The following TMCC1 variants were observed in gnomAD, a reference collection of about 807,000 sequenced individuals.
The protein encoded by TMCC1 is transmembrane and coiled-coil domains protein 1.
A neutral mutation model predicts 52.4 loss-of-function variants in TMCC1; 15 were observed. The observed-to-expected ratio is 0.29, with a 90% CI of 0.19 to 0.44. TMCC1 has a LOEUF of 0.44. Among genes scored for constraint, TMCC1 ranks in the 20% least tolerant of loss-of-function variants. The probability of loss-of-function intolerance (pLI) is 1.00; values close to 1 mark genes in which losing one functional copy is unlikely to be tolerated. For synonymous variants in TMCC1, 279 were observed against 301.9 expected, an observed-to-expected ratio of 0.92 and a Z score of 0.79; for missense variants, 503 against 806.0, an observed-to-expected ratio of 0.62 and a Z score of 4.55.
In TMCC1 at chr3:129,801,281, T is replaced by C. The variant is rs557148283; in HGVS notation, c.576+26522A>G. Reference sequence around the variant, plus strand: ...CATACTACCCATATTATCTATGACCTCCTTTTTTTTTTAAATTCAACAATT... The same window carrying C: ...CATACTACCCATATTATCTATGACCCCCTTTTTTTTTTAAATTCAACAATT... On this transcript the variant is annotated intron_variant, in intron 4 of 6. Coordinates refer to ENST00000393238, the MANE Select transcript of TMCC1 (RefSeq NM_001017395.5). Among the ~76,000 whole-genome samples, 4 of 151,808 alleles carry C rather than the reference T, an allele frequency of 2.6e-5. No individual in the cohort carries two copies. The South Asian group carries it at 8.3e-4, about 32-fold the overall frequency.
At chr3:129,887,344 C>T (rs371615407) in intron 1 of TMCC1, among the ~76,000 whole-genome samples, 1 of 151,898 alleles carries the variant, frequency 6.6e-6, no homozygotes, top group Non-Finnish European at 1.5e-5. Flanking sequence ...GAGATCGAGA[C>T]CACCCTGGCC....
Position 129,828,081 on chromosome 3 carries a change from T to C in TMCC1, c.298A>G (p.Thr100Ala). Reference protein sequence around the residue: ...AEIDGVPTHPTALNRVLQQIR... With the variant: ...AEIDGVPTHPAALNRVLQQIR... ...TGCTGCAGGACACGATTCAGAGCTG[T>C]GGGGTGGGTGGGGACACCATCAATC... is the stretch of plus-strand genomic sequence containing the variant. The change falls in exon 4 of 7, where the codon ACA (threonine) becomes GCA (alanine). Residue 100 changes from threonine to alanine, a missense_variant. Physicochemically the swap from Thr to Ala is moderately conservative, Grantham distance 58. Transcript: ENST00000393238. The surrounding 1 kb of genome is among the most constrained non-coding windows in gnomAD (Gnocchi z 4.1). 1.2e-6 allele frequency: 2 copies of C among 1,614,054 alleles called. No homozygotes were observed. Among genetic ancestry groups the C allele is most frequent in the Non-Finnish European group, 1.7e-6 (2 of 1,179,988 alleles).
chr3:129,837,783 T>A (rs902427845), intron 2 of TMCC1, among the ~76,000 whole-genome samples: 2 of 151,734 alleles, frequency 1.3e-5, no homozygotes, highest in East Asian at 1.9e-4. Flanking sequence ...AGACAACATA[T>A]GAGATCAGAC....
chr3:129,820,434 G>A (rs1201695389), intron 4 of TMCC1, among the ~76,000 whole-genome samples: 3 of 151,950 alleles, frequency 2.0e-5, no homozygotes, highest in Admixed American at 6.6e-5. Context: ...TATTCAGGAA[G>A]AGACACAATG....
chr3:129,840,688 G>T (rs1170968249), intron 2 of TMCC1, among the ~76,000 whole-genome samples: 1 of 152,130 alleles, frequency 6.6e-6, no homozygotes, highest in Non-Finnish European at 1.5e-5. Flanking sequence ...TTGTTTAAAA[G>T]TATGTGACAG....
chr3:129,726,868 C>CATAAAAAAAAAAAAAAA (rs2050134810), intron 4 of TMCC1, among the ~76,000 whole-genome samples: 1 of 12,814 alleles, frequency 7.8e-5, no homozygotes, highest in African/African-American at 2.2e-4. Context: ...GACTCTGTCT[C>CATAAAAAAAAAAAAAAA]AAAAAAAAAA....
intron 1 of TMCC1, among the ~76,000 whole-genome samples, chr3:129,883,688 T>C (rs2061566534): frequency 6.6e-6 from 1 of 152,118 alleles, no homozygotes; most frequent in Non-Finnish European, 1.5e-5. Flanking sequence ...AAAAAAAATA[T>C]ATTTTTTGGG....
chr3:129,817,038 A>G (rs552211753), intron 4 of TMCC1, among the ~76,000 whole-genome samples: 1 of 152,112 alleles, frequency 6.6e-6, no homozygotes, highest in South Asian at 2.1e-4. Context: ...AAAAGAAAAA[A>G]GAAAAAGACA....
chr3:129,719,411 G>C (rs2049382687), intron 4 of TMCC1, among the ~76,000 whole-genome samples: 2 of 152,202 alleles, frequency 1.3e-5, no homozygotes, highest in South Asian at 4.1e-4. Flanking sequence ...CAGTATACAC[G>C]TTTTCTTGAA....
chr3:129,838,369 A>C (rs1159838439), intron 2 of TMCC1, among the ~76,000 whole-genome samples: 1 of 152,104 alleles, frequency 6.6e-6, no homozygotes, highest in African/African-American at 2.4e-5. Flanking sequence ...TGAGCGTCCC[A>C]CTGCATTCCA....
At chr3:129,667,272 A>T (rs1283686041) in intron 5 of TMCC1, among the ~76,000 whole-genome samples, 1 of 150,384 alleles carries the variant, frequency 6.6e-6, no homozygotes, top group Non-Finnish European at 1.5e-5. Flanking sequence ...AATTTTATTT[A>T]TGTGAAAGCA....
intron 4 of TMCC1, among the ~76,000 whole-genome samples, chr3:129,751,060 A>T (rs1323206644): frequency 6.6e-6 from 1 of 151,844 alleles, no homozygotes; most frequent in Non-Finnish European, 1.5e-5. Flanking sequence ...AATTAGCCAG[A>T]TGTGGTGGCA....
chr3:129,665,272 T>C (rs952849599), intron 5 of TMCC1, among the ~76,000 whole-genome samples: 3 of 152,212 alleles, frequency 2.0e-5, no homozygotes, highest in East Asian at 1.9e-4. Context: ...GGTACAATTA[T>C]GTGGGTGAAG....
intron 4 of TMCC1, among the ~76,000 whole-genome samples, chr3:129,780,210 A>G (rs968057723): frequency 2.6e-5 from 4 of 152,132 alleles, no homozygotes; most frequent in Admixed American, 2.6e-4. Context: ...GTCTGCAGGA[A>G]ATTTAGGTTC....
At chr3:129,818,189 C>A (rs2058201580) in intron 4 of TMCC1, among the ~76,000 whole-genome samples, 1 of 152,028 alleles carries the variant, frequency 6.6e-6, no homozygotes, top group Non-Finnish European at 1.5e-5. Context: ...GTGATCCACC[C>A]ACCTCAGCAT....
intron 4 of TMCC1, among the ~76,000 whole-genome samples, chr3:129,813,872 A>C (rs1347760322): frequency 1.3e-5 from 2 of 152,090 alleles, no homozygotes; most frequent in Non-Finnish European, 2.9e-5. Flanking sequence ...AATAGTACTT[A>C]TATATGTTAA....
intron 4 of TMCC1, among the ~76,000 whole-genome samples, chr3:129,762,287 G>A (rs1324874432): frequency 3.3e-5 from 5 of 151,396 alleles, no homozygotes; most frequent in African/African-American, 4.8e-5. Context: ...CAATCTACCC[G>A]CCTCGGTTTC....
chr3:129,832,229 G>T (rs1683241874), intron 3 of TMCC1, among the ~76,000 whole-genome samples: 2 of 152,084 alleles, frequency 1.3e-5, no homozygotes, highest in South Asian at 2.1e-4. Flanking sequence ...ATGCTTTTTG[G>T]TAAGAAGGAA....
At chr3:129,838,983 A>G (rs781401959) in intron 2 of TMCC1, among the ~76,000 whole-genome samples, 3 of 152,058 alleles carry the variant, frequency 2.0e-5, no homozygotes, top group Non-Finnish European at 4.4e-5. Flanking sequence ...ATCCAGTGAA[A>G]ATATCCTTCA....
Sources: allele counts gnomAD v4.1 joint callset (sites outside exome capture counted in the v4.1 genomes callset), GRCh38; gene constraint gnomAD v4.1.1; non-coding constraint Gnocchi (gnomAD v3.1); transcripts MANE v1.5; gene names NCBI Gene and HGNC (gene_info 2026-07-23, HGNC 2026-07-21).